The following MEGF11 variants were observed in gnomAD, a reference collection of about 807,000 sequenced individuals.
The protein encoded by MEGF11 is multiple epidermal growth factor-like domains protein 11.
MEGF11 carries 126 observed loss-of-function variants against 146.6 expected under a neutral mutation model. The observed-to-expected ratio is 0.86, with a 90% CI of 0.74 to 1.00. MEGF11 has a LOEUF of 1.00. Among genes scored for constraint, MEGF11 ranks in the 50% least tolerant of loss-of-function variants. The pLI is 0.00. For synonymous variants in MEGF11, 532 were observed against 583.4 expected (o/e 0.91, Z 1.27); for missense variants, 1,509 against 1,521.2 (o/e 0.99, Z 0.13).
Position 65,982,336 on chromosome 15 carries a change from T to A in MEGF11, c.547A>T (p.Lys183Ter). 2.0e-6 allele frequency: 3 copies of A among 1,530,428 alleles called. No homozygotes were observed. The highest frequency in any genetic ancestry group is 2.8e-5 in the African/African-American group (2 of 72,708). 94.8% of individuals were successfully genotyped at this position (1,530,428 alleles called of 1,614,324 possible). ...CACTGGCACGGCAGCTGGCATCCCT[T>A]GCCGTGGGTGCCAGGTGCGCAGAGC... ...EELCAPGTHG[K>*]GCQLPCQCRH... is the part of the protein sequence containing the mutation. Residue 183 changes from lysine (K) to a stop codon, truncating the protein, a stop_gained, in exon 6 of 26, where the codon AAG (lysine) becomes TAG (stop). Transcript: ENST00000395614. LOFTEE classifies it high-confidence loss of function. This position sits in a 1 kb window ranked among gnomAD's most constrained non-coding sequence, Gnocchi z 5.6.
chr15:65,935,322 G>GAAAAAAAAAA lies in MEGF11; in HGVS notation c.1288-4389_1288-4380dup, dbSNP rs71139449. On this transcript the variant is annotated intron_variant, in intron 10 of 25. Coordinates refer to ENST00000395614, the MANE Select transcript of MEGF11 (RefSeq NM_001385028.1). ...GTGACAGAGCGAGACTCCGTCTCAA[G>GAAAAAAAAAA]AAAAAAAAAAAAAAAAAAAAAAAAA... 3.1e-4 allele frequency among the ~76,000 whole-genome samples: 11 copies of GAAAAAAAAAA among 35,204 alleles called. 2 individuals are homozygous for GAAAAAAAAAA. The highest frequency in any genetic ancestry group is 4.3e-4 in the Non-Finnish European group (9 of 21,000). The allele number at this position is 35,204 out of a possible 152,430, so 23.1% of individuals were successfully genotyped here. A position where few individuals can be genotyped will look rare whatever the true frequency, so the allele number is the denominator to read the frequency against.
chr15:66,112,021 T>C (rs1306243820), intron 4 of MEGF11, among the ~76,000 whole-genome samples: 1 of 149,306 alleles, frequency 6.7e-6, no homozygotes, highest in Admixed American at 6.7e-5. Flanking sequence ...AAAACTAATG[T>C]GTAGGGCCGC....
chr15:65,934,563 G>A (rs569893695), intron 10 of MEGF11, among the ~76,000 whole-genome samples: 18 of 152,134 alleles, frequency 1.2e-4, no homozygotes, highest in Non-Finnish European at 2.5e-4. Context: ...AAGTGAGGTC[G>A]TTTTGTATGC....
At chr15:65,955,769 T>TATATATATATAG (rs1435639208) in intron 10 of MEGF11, among the ~76,000 whole-genome samples, 2 of 5,598 alleles carry the variant, frequency 3.6e-4, no homozygotes, top group Non-Finnish European at 1.4e-3. Flanking sequence ...AAAATATATA[T>TATATATATATAG]ATATATATAT....
intron 1 of MEGF11, among the ~76,000 whole-genome samples, chr15:66,236,036 C>T (rs1364959319): frequency 2.0e-5 from 3 of 152,148 alleles, no homozygotes; most frequent in Non-Finnish European, 4.4e-5. Flanking sequence ...TCACTCAGCC[C>T]ACCAGAGGGA....
intron 5 of MEGF11, among the ~76,000 whole-genome samples, chr15:65,984,550 AG>A (rs2081783735): frequency 6.7e-6 from 1 of 148,736 alleles, no homozygotes. Context: ...AAAAAAAAAA[AG>A]GCTCACAGGA....
intron 5 of MEGF11, among the ~76,000 whole-genome samples, chr15:66,008,411 GCACACACACACACACA>G (rs995843726): frequency 1.5e-4 from 8 of 52,110 alleles, no homozygotes; most frequent in African/African-American, 3.9e-4. Flanking sequence ...ACGCGCGCGC[GCACACACACACACACA>G]CACACACACA....
At chr15:66,160,242 C>CTTCTCT (rs2089901924) in intron 1 of MEGF11, among the ~76,000 whole-genome samples, 1 of 133,410 alleles carries the variant, frequency 7.5e-6, no homozygotes, top group Non-Finnish European at 1.6e-5. Context: ...AAGGAAAAGC[C>CTTCTCT]CTCTCTCTCT....
intron 5 of MEGF11, among the ~76,000 whole-genome samples, chr15:66,049,731 AG>A (rs1178306159): frequency 6.6e-6 from 1 of 152,198 alleles, no homozygotes; most frequent in African/African-American, 2.4e-5. Context: ...AGAGGCAGAA[AG>A]AGTGGCAACT....
intron 21 of MEGF11, among the ~76,000 whole-genome samples, chr15:65,910,472 G>A (rs963417894): frequency 3.3e-5 from 5 of 152,102 alleles, no homozygotes; most frequent in Non-Finnish European, 5.9e-5. Context: ...TCCCAGTGCC[G>A]TGTCCTTTCC....
intron 1 of MEGF11, among the ~76,000 whole-genome samples, chr15:66,211,390 G>T (rs755158690): frequency 6.6e-6 from 1 of 152,064 alleles, no homozygotes; most frequent in Non-Finnish European, 1.5e-5. Flanking sequence ...CGAGCATGGT[G>T]GCAGGCACCT....
intron 1 of MEGF11, among the ~76,000 whole-genome samples, chr15:66,154,297 C>T (rs2089672501): frequency 1.2e-5 from 1 of 86,852 alleles, no homozygotes; most frequent in African/African-American, 3.6e-5. Flanking sequence ...TCCCCAACCT[C>T]GCGCTCGCCC....
chr15:65,966,585 A>G (rs1435860174), intron 8 of MEGF11, among the ~76,000 whole-genome samples: 1 of 152,052 alleles, frequency 6.6e-6, no homozygotes, highest in East Asian at 1.9e-4. Context: ...TGGACTATAG[A>G]ATGCCCTGTG....
At chr15:65,939,826 G>A (rs904594022) in intron 10 of MEGF11, among the ~76,000 whole-genome samples, 1 of 152,082 alleles carries the variant, frequency 6.6e-6, no homozygotes, top group African/African-American at 2.4e-5. Flanking sequence ...CCCACTTCCA[G>A]GGCAAGTTTC....
At position 65,916,882 on chromosome 15, in the gene MEGF11, C is replaced by T. The variant is rs371619569; in HGVS notation, c.2161G>A (p.Glu721Lys). 2.1e-5 allele frequency: 33 copies of T among 1,588,484 alleles called. No individual in the cohort carries two copies. Among genetic ancestry groups the T allele is most frequent in the Middle Eastern group, 3.5e-4 (2 of 5,694 alleles). Residue 721 changes from glutamate (E) to lysine (K), a missense_variant, in exon 17 of 26, where the codon GAG becomes AAG. By Grantham distance (56) the Glu-to-Lys change is moderately conservative (BLOSUM62 1). Coordinates refer to ENST00000395614, the MANE Select transcript of MEGF11 (RefSeq NM_001385028.1). ...SCHNGASCSA[E>K]DGACHCTPGW... is the part of the protein sequence containing the mutation. The stretch of plus-strand genomic sequence containing the variant: ...GGGGTGCAGTGGCAGGCCCCGTCCT[C>T]GGCGCTGCAGCTCGCCCCGTTGTGG...
At chr15:66,173,758 G>A (rs1019036499) in intron 1 of MEGF11, among the ~76,000 whole-genome samples, 1 of 152,186 alleles carries the variant, frequency 6.6e-6, no homozygotes, top group Admixed American at 6.5e-5. Flanking sequence ...CCTGCGAGCT[G>A]TTCACGAAGG....
chr15:65,964,586 GC>G (rs1202117124), intron 9 of MEGF11, among the ~76,000 whole-genome samples: 3 of 152,194 alleles, frequency 2.0e-5, no homozygotes, highest in Admixed American at 2.0e-4. Context: ...CCAGGGTCAT[GC>G]AGCTGTGCTC....
intron 1 of MEGF11, among the ~76,000 whole-genome samples, chr15:66,140,580 G>T (rs574716921): frequency 7.4e-4 from 113 of 152,292 alleles, no homozygotes; most frequent in African/African-American, 2.5e-3. Context: ...ATTCTGTGGC[G>T]TGCCCACAAA....
chr15:66,048,345 A>G lies in MEGF11; in HGVS notation c.394+46057T>C, dbSNP rs74021933. Among the ~76,000 whole-genome samples the G allele has an allele frequency of 7.5e-3, 1,146 of 152,324 alleles. 19 individuals carry two copies. The highest frequency in any genetic ancestry group is 0.026 in the African/African-American group (1,075 of 41,568). On this transcript the variant is annotated intron_variant, in intron 5 of 25. Coordinates refer to ENST00000395614, the MANE Select transcript of MEGF11 (RefSeq NM_001385028.1). The stretch of plus-strand genomic sequence containing the variant: ...GCTCTGTGTCTCTCTAAGCCACCCA[A>G]TCCTGCACTATGTCACCAAGGGGGT...
Sources: allele counts gnomAD v4.1 joint callset (sites outside exome capture counted in the v4.1 genomes callset), GRCh38; gene constraint gnomAD v4.1.1; non-coding constraint Gnocchi (gnomAD v3.1); transcripts MANE v1.5; gene names NCBI Gene and HGNC (gene_info 2026-07-23, HGNC 2026-07-21).